MTUS2: variants seen among roughly 807,000 people sequenced by gnomAD.
MTUS2 encodes the protein microtubule-associated tumor suppressor candidate 2.
Under a neutral mutation model 114.1 loss-of-function variants are expected in MTUS2, and 40 were observed. That is an observed-to-expected ratio of 0.35 (90% CI 0.27 to 0.46). MTUS2 has a LOEUF of 0.46. Ranked by LOEUF, MTUS2 falls within the 20% of genes least tolerant of loss-of-function variation. The probability of loss-of-function intolerance (pLI) is 1.00; values close to 1 mark genes in which losing one functional copy is unlikely to be tolerated. For synonymous variants in MTUS2, 688 were observed against 672.0 expected (o/e 1.02, Z -0.37); for missense variants, 1,679 against 1,705.4 (o/e 0.98, Z 0.27).
intron 2 of MTUS2, among the ~76,000 whole-genome samples, chr13:28,857,348 C>T (rs1876699414): frequency 6.6e-6 from 1 of 152,054 alleles, no homozygotes; most frequent in Non-Finnish European, 1.5e-5. Context: ...CGTGAACTTC[C>T]TAGAGGGATG....
At chr13:29,128,244 C>T (rs148760805) in intron 5 of MTUS2, among the ~76,000 whole-genome samples, 2 of 152,200 alleles carry the variant, frequency 1.3e-5, no homozygotes, top group African/African-American at 2.4e-5. Context: ...TTTCTCAGGC[C>T]GTGAAGACAT....
At chr13:29,450,495 G>T (rs369609550) in intron 9 of MTUS2, among the ~76,000 whole-genome samples, 3 of 152,064 alleles carry the variant, frequency 2.0e-5, no homozygotes, top group East Asian at 3.9e-4. Context: ...TTCCTCTCTC[G>T]CCCAGCTTTA....
Position 29,396,268 on chromosome 13 carries a change from A to G in MTUS2, c.3117+36795A>G, listed in dbSNP as rs368391592. 3.5e-4 allele frequency among the ~76,000 whole-genome samples: 54 copies of G among 152,348 alleles called. No homozygotes were observed. In the East Asian group the frequency reaches 5.8e-3, roughly 16 times the overall value. Reference sequence around the variant, plus strand: ...TCAAAAGCACCAACACACTGAACATATAATTAATATGTAATAACTCCTTGT... The same window carrying G: ...TCAAAAGCACCAACACACTGAACATGTAATTAATATGTAATAACTCCTTGT... On this transcript the variant is annotated intron_variant, in intron 8 of 15. Transcript: ENST00000612955.
At chr13:29,374,519 G>A (rs1489307023) in intron 8 of MTUS2, among the ~76,000 whole-genome samples, 1 of 152,146 alleles carries the variant, frequency 6.6e-6, no homozygotes, top group Non-Finnish European at 1.5e-5. Flanking sequence ...AATTATGAAG[G>A]CCTGAAGACA....
intron 8 of MTUS2, among the ~76,000 whole-genome samples, chr13:29,423,612 A>G (rs754107957): frequency 6.6e-6 from 1 of 152,258 alleles, no homozygotes; most frequent in Non-Finnish European, 1.5e-5. Context: ...ACATGAGTTT[A>G]TAATTTATAA....
chr13:29,008,830 A>C (rs1593378700), intron 2 of MTUS2, among the ~76,000 whole-genome samples: 1 of 151,616 alleles, frequency 6.6e-6, no homozygotes, highest in African/African-American at 2.4e-5. Flanking sequence ...TTTTTTCTAG[A>C]CTTTTGGTGG....
intron 2 of MTUS2, among the ~76,000 whole-genome samples, chr13:28,845,505 T>C (rs185214318): frequency 5.4e-4 from 82 of 152,318 alleles, no homozygotes; most frequent in African/African-American, 1.8e-3. Context: ...TGCTTATTCT[T>C]TCAGCAGCAC....
chr13:28,971,751 G>A (rs577619351), intron 2 of MTUS2, among the ~76,000 whole-genome samples: 1 of 152,306 alleles, frequency 6.6e-6, no homozygotes, highest in East Asian at 1.9e-4. Flanking sequence ...AAACATGTGA[G>A]AAAGTGTAGA....
intron 5 of MTUS2, among the ~76,000 whole-genome samples, chr13:29,276,979 T>G (rs1471918677): frequency 6.6e-6 from 1 of 152,046 alleles, no homozygotes; most frequent in Non-Finnish European, 1.5e-5. Flanking sequence ...CAATGACATA[T>G]GATTGTTTAC....
intron 4 of MTUS2, among the ~76,000 whole-genome samples, chr13:29,041,234 G>A (rs1448404437): frequency 6.6e-6 from 1 of 151,942 alleles, no homozygotes; most frequent in Non-Finnish European, 1.5e-5. Context: ...TTTTGTTTGC[G>A]TTATTAAAGA....
At chr13:28,857,449 T>G (rs1447100243) in intron 2 of MTUS2, among the ~76,000 whole-genome samples, 2 of 152,094 alleles carry the variant, frequency 1.3e-5, no homozygotes, top group Non-Finnish European at 2.9e-5. Flanking sequence ...AAAGAAAAGG[T>G]AAAGATACTG....
At chr13:28,961,832 C>A (rs1401849749) in intron 2 of MTUS2, among the ~76,000 whole-genome samples, 1 of 152,010 alleles carries the variant, frequency 6.6e-6, no homozygotes, top group African/African-American at 2.4e-5. Context: ...GGTTGCATAA[C>A]ATTCCATACT....
intron 2 of MTUS2, among the ~76,000 whole-genome samples, chr13:28,879,890 G>A (rs1275018478): frequency 6.6e-6 from 1 of 152,134 alleles, no homozygotes; most frequent in East Asian, 1.9e-4. Context: ...AGAAGTGGTT[G>A]AATTGATCCA....
At chr13:29,501,289 T>A (rs1203239087) in intron 15 of MTUS2, 95 bp downstream of exon 15, 7 of 893,478 alleles carry the variant, frequency 7.8e-6, no homozygotes, top group Non-Finnish European at 1.3e-5. Context: ...TGTGAGTCTT[T>A]CCCCACAGTC....
intron 2 of MTUS2, among the ~76,000 whole-genome samples, chr13:29,009,468 C>T (rs1885744523): frequency 6.6e-6 from 1 of 152,002 alleles, no homozygotes; most frequent in Admixed American, 6.5e-5. Context: ...AGAAGCCAGA[C>T]TTGAAAGGCT....
At position 29,235,836 on chromosome 13, in the gene MTUS2, C is replaced by T. The variant is rs77967439; in HGVS notation, c.2645-45868C>T. Among the ~76,000 whole-genome samples the T allele has an allele frequency of 4.2e-3, 646 of 152,140 alleles. 5 individuals carry two copies. Among genetic ancestry groups the T allele is most frequent in the African/African-American group, 0.014 (586 of 41,504 alleles). On this transcript the variant is annotated intron_variant, in intron 5 of 15. Coordinates refer to ENST00000612955, the MANE Select transcript of MTUS2 (RefSeq NM_001033602.4). ...TATGATTCACTCATGACCATTTTGG[C>T]CTGGAGCTTATTATAAATCAATAAC...
At chr13:29,207,639 G>A (rs983631671) in intron 5 of MTUS2, among the ~76,000 whole-genome samples, 6 of 152,026 alleles carry the variant, frequency 3.9e-5, no homozygotes, top group Non-Finnish European at 5.9e-5. Context: ...TAAAGGGATG[G>A]TGGATTTTGT....
At chr13:29,121,086 C>T (rs980220094) in intron 5 of MTUS2, among the ~76,000 whole-genome samples, 4 of 152,098 alleles carry the variant, frequency 2.6e-5, no homozygotes, top group Non-Finnish European at 5.9e-5. Flanking sequence ...TAAAATTCCC[C>T]GTAAGTCCTT....
At chr13:28,837,943 T>C (rs146329664) in intron 1 of MTUS2, among the ~76,000 whole-genome samples, 1 of 149,678 alleles carries the variant, frequency 6.7e-6, no homozygotes, top group East Asian at 1.9e-4. Context: ...CATGGTCTTA[T>C]GTGTTTTTAA....
Sources: gnomAD v4.1 joint callset for allele counts (sites outside exome capture counted in the v4.1 genomes callset) on GRCh38, gnomAD v4.1.1 for gene constraint, MANE v1.5 for transcripts, NCBI Gene and HGNC (gene_info 2026-07-23, HGNC 2026-07-21) for gene names.